WSCD2: variants seen among roughly 807,000 people sequenced by gnomAD.
WSCD2 encodes WSC domain sialate O sulfotransferase 2.
In WSCD2, 28 loss-of-function variants were observed where a neutral mutation model predicts 55.7. That is an observed-to-expected ratio of 0.50 (90% CI 0.37 to 0.69). WSCD2 has a LOEUF of 0.69. Ranked by LOEUF, WSCD2 falls within the 30% of genes least tolerant of loss-of-function variation. The probability of loss-of-function intolerance (pLI) is 0.00; values close to 1 mark genes in which losing one functional copy is unlikely to be tolerated. For missense variants in WSCD2, 616 were observed against 762.1 expected, an observed-to-expected ratio of 0.81 and a Z score of 2.26; for synonymous variants, 301 against 301.9, an observed-to-expected ratio of 1.00 and a Z score of 0.03.
chr12:108,165,502 A>G (rs375495990), intron 1 of WSCD2, among the ~76,000 whole-genome samples: 75 of 152,276 alleles, frequency 4.9e-4, no homozygotes, highest in African/African-American at 1.8e-3. Flanking sequence ...AAGAGCTAGG[A>G]TTATAGGCAT....
At chr12:108,140,997 T>C (rs1477422401) in intron 1 of WSCD2, among the ~76,000 whole-genome samples, 2 of 152,268 alleles carry the variant, frequency 1.3e-5, no homozygotes, top group Non-Finnish European at 2.9e-5. Context: ...ACAATGTCCA[T>C]AAAGGTAGTG....
chr12:108,234,272 G>A (rs567408474), intron 7 of WSCD2, among the ~76,000 whole-genome samples: 2 of 152,338 alleles, frequency 1.3e-5, no homozygotes, highest in South Asian at 4.1e-4. Flanking sequence ...GCACTAACCA[G>A]GCACAGCTTG....
At chr12:108,154,422 CCTT>C (rs916636237) in intron 1 of WSCD2, among the ~76,000 whole-genome samples, 1 of 152,178 alleles carries the variant, frequency 6.6e-6, no homozygotes, top group Non-Finnish European at 1.5e-5. Flanking sequence ...TGTCTTCTCT[CCTT>C]CTCCGACTCT....
chr12:108,240,109 C>T (rs557592443), intron 7 of WSCD2, among the ~76,000 whole-genome samples: 145 of 152,320 alleles, frequency 9.5e-4, no homozygotes, highest in African/African-American at 3.4e-3. Flanking sequence ...AATAATCTAA[C>T]TCTCAAAAAC....
At chr12:108,182,430 A>C (rs934246713) in intron 1 of WSCD2, among the ~76,000 whole-genome samples, 2 of 152,238 alleles carry the variant, frequency 1.3e-5, no homozygotes, top group Non-Finnish European at 2.9e-5. Flanking sequence ...GAGCCCACCA[A>C]CATTGAAACT....
intron 3 of WSCD2, among the ~76,000 whole-genome samples, chr12:108,207,592 T>C (rs1398108864): frequency 2.0e-5 from 3 of 148,742 alleles, no homozygotes; most frequent in African/African-American, 7.5e-5. Context: ...TTTCACCATG[T>C]TGGTCAGGAT....
At chr12:108,220,127 C>T (rs1415649715) in intron 4 of WSCD2, among the ~76,000 whole-genome samples, 1 of 152,196 alleles carries the variant, frequency 6.6e-6, no homozygotes, top group Non-Finnish European at 1.5e-5. Flanking sequence ...ACTTGGAGTT[C>T]AGACATTCCT....
rs1433429988 is a variant in WSCD2 at position 108,210,286 on chromosome 12, C to T, written c.663C>T (p.Ala221=). 1 of 1,595,718 alleles carries T rather than the reference C, an allele frequency of 6.3e-7. No individual in the cohort carries two copies. The highest frequency in any genetic ancestry group is 1.7e-5 in the Admixed American group (1 of 57,632). The part of the protein sequence containing the change: ...NRLSVYRLQL[A]QESARRYGSA... ...TCTCTGTCTACCGGCTGCAGCTGGC[C>T]CAGGAGTCGGCCCGCAGGTGTACGT... The change falls in exon 4 of 9, where the codon GCC becomes GCT. Residue 221 remains alanine, a synonymous_variant. Transcript: ENST00000547525. The surrounding 1 kb of genome is among the most constrained non-coding windows in gnomAD (Gnocchi z 4.3).
chr12:108,133,136 G>A (rs1875794292), intron 1 of WSCD2, among the ~76,000 whole-genome samples: 1 of 152,128 alleles, frequency 6.6e-6, no homozygotes. Flanking sequence ...ATACACAGGT[G>A]TTTCTGAGTG....
At chr12:108,143,762 C>T (rs1877101985) in intron 1 of WSCD2, among the ~76,000 whole-genome samples, 2 of 152,180 alleles carry the variant, frequency 1.3e-5, no homozygotes, top group South Asian at 2.1e-4. Flanking sequence ...CCCTGTGTAG[C>T]CTTGGATCAG....
At chr12:108,196,435 G>A (rs1883937016) in intron 2 of WSCD2, 5 of 650,342 alleles carry the variant, frequency 7.7e-6, no homozygotes, top group East Asian at 3.1e-5. Flanking sequence ...CTTGTCAAGA[G>A]GCAAGTTTGG....
Position 108,210,428 on chromosome 12 carries a change from C to T in WSCD2, c.682+123C>T, listed in dbSNP as rs372502409. On this transcript the variant is annotated intron_variant, in intron 4 of 8. Transcript: ENST00000547525. The surrounding 1 kb of genome is among the most constrained non-coding windows in gnomAD (Gnocchi z 4.3). ...CTCCCCATCACTCCAAGGCCACCAC[C>T]GTCCTGCCCCTGCCTCACCTCTCCC... 46 of 1,299,788 alleles carry T rather than the reference C, an allele frequency of 3.5e-5. No individual in the cohort carries two copies. In the African/African-American group the frequency reaches 4.6e-4, roughly 13 times the overall value. 80.5% of individuals were successfully genotyped at this position (1,299,788 alleles called of 1,614,324 possible). A position where few individuals can be genotyped will look rare whatever the true frequency, so the allele number is the denominator to read the frequency against.
chr12:108,188,460 A>G (rs1430661826), intron 1 of WSCD2, among the ~76,000 whole-genome samples: 1 of 152,168 alleles, frequency 6.6e-6, no homozygotes, highest in East Asian at 1.9e-4. Flanking sequence ...ACACCAATGA[A>G]TGGAAGGGTG....
chr12:108,189,742 A>G (rs917602139), intron 1 of WSCD2: 1 of 152,144 alleles, frequency 6.6e-6, no homozygotes, highest in Admixed American at 6.5e-5. Context: ...AAACAAACAG[A>G]CAAAAACTAG....
intron 4 of WSCD2, among the ~76,000 whole-genome samples, chr12:108,219,176 C>A (rs1887192682): frequency 6.6e-6 from 1 of 152,160 alleles, no homozygotes; most frequent in Admixed American, 6.5e-5. Context: ...TGCATAAACA[C>A]CTTATGGTAA....
intron 2 of WSCD2, among the ~76,000 whole-genome samples, chr12:108,200,305 C>T (rs777794287): frequency 2.6e-5 from 4 of 152,168 alleles, no homozygotes; most frequent in Non-Finnish European, 4.4e-5. Context: ...TGCCATTTCA[C>T]GGATGAAGAA....
rs202097270 is a variant in WSCD2, at chr12:108,240,411, C to A, written c.1212C>A (p.Gly404=). ...TCTGCATCAAGACGCACGAAAGCGG[C>A]CAGAAAGAGATCGAGGCCTTCGACG... is the stretch of plus-strand genomic sequence containing the variant. The part of the protein sequence containing the change: ...RTICIKTHES[G]QKEIEAFDAA... The change falls in exon 8 of 9, where the codon GGC becomes GGA. Residue 404 remains glycine, a synonymous_variant. Coordinates refer to ENST00000547525, the MANE Select transcript of WSCD2 (RefSeq NM_014653.4). 9 of 1,614,044 alleles carry A rather than the reference C, an allele frequency of 5.6e-6. No homozygotes were observed. The highest frequency in any genetic ancestry group is 7.6e-6 in the Non-Finnish European group (9 of 1,180,052).
intron 4 of WSCD2, among the ~76,000 whole-genome samples, chr12:108,220,909 C>A (rs1436402676): frequency 6.6e-6 from 1 of 152,136 alleles, no homozygotes; most frequent in African/African-American, 2.4e-5. Flanking sequence ...GCTTTGGAGA[C>A]ACAGAAACCT....
chr12:108,217,467 C>T (rs766210654), intron 4 of WSCD2, among the ~76,000 whole-genome samples: 5 of 152,184 alleles, frequency 3.3e-5, no homozygotes, highest in African/African-American at 9.7e-5. Context: ...GTCTTGGCTA[C>T]CGTGTGTATT....
Sources: gnomAD v4.1 joint callset for allele counts (sites outside exome capture counted in the v4.1 genomes callset) on GRCh38, gnomAD v4.1.1 for gene constraint, Gnocchi (gnomAD v3.1) non-coding constraint, MANE v1.5 for transcripts, NCBI Gene and HGNC (gene_info 2026-07-23, HGNC 2026-07-21) for gene names.